The following FMN1 variants were observed in gnomAD, a reference collection of about 807,000 sequenced individuals.
The protein encoded by FMN1 is formin-1.
Under a neutral mutation model 132.4 loss-of-function variants are expected in FMN1, and 110 were observed. That is an observed-to-expected ratio of 0.83 (90% CI 0.71 to 0.97). FMN1 has a LOEUF of 0.97. Ranked by LOEUF, FMN1 falls within the 50% of genes least tolerant of loss-of-function variation. FMN1 has a pLI of 0.00. For missense variants in FMN1, 1,792 were observed against 1,705.3 expected (o/e 1.05, Z -0.90); for synonymous variants, 722 against 651.7 (o/e 1.11, Z -1.64).
At chr15:33,149,044 G>A (rs1018854180) in intron 4 of FMN1, among the ~76,000 whole-genome samples, 1 of 135,260 alleles carries the variant, frequency 7.4e-6, no homozygotes. Flanking sequence ...AATCACTCTT[G>A]AAGAATCATA....
chr15:33,064,158 T>C (rs916053172), intron 6 of FMN1: 2 of 152,152 alleles, frequency 1.3e-5, no homozygotes, highest in Non-Finnish European at 2.9e-5. Context: ...GAAGTTATTT[T>C]TCTATAACCA....
At chr15:32,861,388 T>A (rs1286093582) in intron 16 of FMN1, among the ~76,000 whole-genome samples, 1 of 152,126 alleles carries the variant, frequency 6.6e-6, no homozygotes, top group Non-Finnish European at 1.5e-5. Context: ...GCGGTGCCCA[T>A]CAAATTGCTC....
intron 7 of FMN1, among the ~76,000 whole-genome samples, chr15:32,974,206 G>A (rs1003875906): frequency 6.6e-6 from 1 of 152,142 alleles, no homozygotes; most frequent in Non-Finnish European, 1.5e-5. Flanking sequence ...TATAAAGAAA[G>A]TCTCAAGATT....
intron 4 of FMN1, among the ~76,000 whole-genome samples, chr15:33,125,313 G>C (rs568612082): frequency 2.0e-5 from 3 of 152,182 alleles, no homozygotes; most frequent in Admixed American, 6.5e-5. Context: ...ATAGTAAGCC[G>C]TCAAGAAATG....
At chr15:32,814,937 T>TA (rs2058005691) in intron 17 of FMN1, among the ~76,000 whole-genome samples, 1 of 150,918 alleles carries the variant, frequency 6.6e-6, no homozygotes, top group African/African-American at 2.4e-5. Context: ...TTTATTTTAT[T>TA]TTATTATTAT....
chr15:32,914,796 C>A (rs774284765), intron 10 of FMN1, among the ~76,000 whole-genome samples: 5 of 152,160 alleles, frequency 3.3e-5, no homozygotes, highest in African/African-American at 4.8e-5. Context: ...AGGCTTTGAG[C>A]CTAGGTTTAG....
chr15:32,983,918 T>G (rs1361633850), intron 7 of FMN1, among the ~76,000 whole-genome samples: 1 of 152,210 alleles, frequency 6.6e-6, no homozygotes, highest in East Asian at 1.9e-4. Flanking sequence ...TTCAGTATCA[T>G]TCTTACATTG....
intron 17 of FMN1, among the ~76,000 whole-genome samples, chr15:32,844,177 G>A (rs1296378248): frequency 6.6e-6 from 1 of 152,300 alleles, no homozygotes; most frequent in Non-Finnish European, 1.5e-5. Context: ...TGAAAGCAGA[G>A]CTGGGGTGTT....
intron 8 of FMN1, among the ~76,000 whole-genome samples, chr15:32,966,777 T>C (rs906498165): frequency 2.0e-5 from 3 of 152,202 alleles, no homozygotes; most frequent in African/African-American, 7.2e-5. Context: ...TATAAACTAC[T>C]TAATCCTCTA....
At chr15:32,804,743 G>A (rs2057616229) in intron 17 of FMN1, among the ~76,000 whole-genome samples, 1 of 136,114 alleles carries the variant, frequency 7.3e-6, no homozygotes, top group Non-Finnish European at 1.5e-5. Context: ...TCCCACCTAT[G>A]AGTGAGAACA....
intron 4 of FMN1, among the ~76,000 whole-genome samples, chr15:33,122,276 T>C (rs1375466330): frequency 5.9e-5 from 9 of 152,216 alleles, no homozygotes; most frequent in Admixed American, 4.6e-4. Flanking sequence ...TTTGTGTTTC[T>C]ACTCCGTAAA....
rs544586980 is a variant in FMN1 at position 32,913,793 on chromosome 15, C to A, written c.3227-3258G>T. On this transcript the variant is annotated intron_variant, in intron 10 of 20. Transcript: ENST00000616417. ...CTTAAGCATCTTGATAACTGTCTCC[C>A]AGCATGGTACCAGGGGTGTAGCATG... 2.2e-4 allele frequency among the ~76,000 whole-genome samples: 34 copies of A among 152,320 alleles called. No homozygotes were observed. The South Asian group carries it at 6.2e-3, about 28-fold the overall frequency.
At chr15:33,067,424 C>A (rs2037791815) in intron 5 of FMN1, 1 of 1,614,024 alleles carries the variant, frequency 6.2e-7, no homozygotes, top group Middle Eastern at 1.6e-4. Flanking sequence ...TGGCTCCTGG[C>A]CACCATCATC....
chr15:33,100,277 A>G (rs1268284902), intron 4 of FMN1, among the ~76,000 whole-genome samples: 2 of 152,154 alleles, frequency 1.3e-5, no homozygotes, highest in Non-Finnish European at 2.9e-5. Flanking sequence ...TTGGAAAAAT[A>G]ATATAGTATA....
At chr15:33,029,062 T>G (rs2035812946) in intron 6 of FMN1, among the ~76,000 whole-genome samples, 2 of 152,166 alleles carry the variant, frequency 1.3e-5, no homozygotes, top group African/African-American at 4.8e-5. Flanking sequence ...TGAAGCTGAT[T>G]TGAAGAAATA....
intron 17 of FMN1, among the ~76,000 whole-genome samples, chr15:32,819,807 G>A (rs906069565): frequency 1.3e-5 from 2 of 152,094 alleles, no homozygotes; most frequent in African/African-American, 4.8e-5. Flanking sequence ...GTCATGTATA[G>A]AAGCTCAGTG....
At chr15:32,793,135 G>GT (rs546211306) in intron 19 of FMN1, among the ~76,000 whole-genome samples, 186 of 152,160 alleles carry the variant, frequency 1.2e-3, no homozygotes, top group South Asian at 4.2e-3. Context: ...GGTGTGTATA[G>GT]TTTTTTAAAC....
intron 8 of FMN1, among the ~76,000 whole-genome samples, chr15:32,964,483 A>G (rs995307435): frequency 1.3e-5 from 2 of 152,252 alleles, no homozygotes; most frequent in African/African-American, 4.8e-5. Flanking sequence ...AGTAATTGTC[A>G]TTAGCTACGA....
intron 10 of FMN1, among the ~76,000 whole-genome samples, chr15:32,923,894 G>A (rs1021240436): frequency 3.9e-5 from 6 of 152,288 alleles, no homozygotes; most frequent in East Asian, 1.9e-4. Flanking sequence ...CATCCACAGC[G>A]TTACACATCA....
Sources: gnomAD v4.1 joint callset for allele counts (sites outside exome capture counted in the v4.1 genomes callset) on GRCh38, gnomAD v4.1.1 for gene constraint, MANE v1.5 for transcripts, NCBI Gene and HGNC (gene_info 2026-07-23, HGNC 2026-07-21) for gene names.